Variants in SMARCA4 observed in about 807,000 individuals in gnomAD.
SMARCA4 encodes SWI/SNF related BAF chromatin remodeling complex subunit ATPase 4, also known as SWI/SNF-related matrix-associated actin-dependent regulator of chromatin subfamily A member 4.
SMARCA4 carries 31 observed loss-of-function variants against 193.9 expected under a neutral mutation model. That is an observed-to-expected ratio of 0.16 (90% CI 0.12 to 0.22). SMARCA4 has a LOEUF of 0.22. Among genes scored for constraint, SMARCA4 ranks in the 10% least tolerant of loss-of-function variants. SMARCA4 has a pLI of 1.00. For missense variants in SMARCA4, 1,148 were observed against 2,296.0 expected (o/e 0.50, Z 10.22); for synonymous variants, 942 against 933.1 (o/e 1.01, Z -0.17).
In SMARCA4 at chr19:10,984,307, A is replaced by G. The variant is rs1388258138; in HGVS notation, c.156A>G (p.Ala52=). 6.2e-7 allele frequency: 1 copy of G among 1,607,188 alleles called. No homozygotes were observed. Among genetic ancestry groups the G allele is most frequent in the Non-Finnish European group, 8.5e-7 (1 of 1,177,262 alleles). Residue 52 remains alanine (A), a synonymous_variant, in exon 2 of 35, where the codon GCA becomes GCG. Coordinates refer to ENST00000344626, the MANE Select transcript of SMARCA4 (RefSeq NM_003072.5). This position sits in a 1 kb window ranked among gnomAD's most constrained non-coding sequence, Gnocchi z 4.3. ...MMGPSPGPPS[A]GHPIPTQGPG... ...GGCCCAGCCCAGGGCCGCCCTCAGC[A>G]GGACACCCCATCCCCACCCAGGGGC... is the stretch of plus-strand genomic sequence containing the variant.
chr19:11,055,808 G>T (rs1262581960), intron 30 of SMARCA4, among the ~76,000 whole-genome samples: 2 of 152,064 alleles, frequency 1.3e-5, no homozygotes, highest in African/African-American at 2.4e-5. Context: ...TGTCCAGGCT[G>T]GTCTCAAACT....
chr19:10,966,791 G>GGC (rs1239251049), intron 1 of SMARCA4, among the ~76,000 whole-genome samples: 1 of 152,116 alleles, frequency 6.6e-6, no homozygotes, highest in East Asian at 1.9e-4. Flanking sequence ...GTGAGACTGA[G>GGC]GCAGGAGAAT....
rs1011682137 is a variant in SMARCA4 at position 11,041,224 on chromosome 19, G to GC, written c.4171-80dup. 1.3e-6 allele frequency: 2 copies of GC among 1,481,642 alleles called. No homozygotes were observed. The highest frequency in any genetic ancestry group is 1.8e-6 in the Non-Finnish European group (2 of 1,097,786). 91.8% of individuals were successfully genotyped at this position (1,481,642 alleles called of 1,614,324 possible). A position where few individuals can be genotyped will look rare whatever the true frequency, so the allele number is the denominator to read the frequency against. ...TGCGGGGGCCCTCCTCCGTGTCCCA[G>GC]CCCGGCCCCTGGGATTGCGTCGCGG... is the stretch of plus-strand genomic sequence containing the variant. On this transcript the variant is annotated intron_variant, in intron 29 of 34. Coordinates refer to ENST00000344626, the MANE Select transcript of SMARCA4 (RefSeq NM_003072.5). The surrounding 1 kb of genome is among the most constrained non-coding windows in gnomAD (Gnocchi z 5.6).
At chr19:10,976,007 G>A (rs1284023798) in intron 1 of SMARCA4, among the ~76,000 whole-genome samples, 1 of 152,138 alleles carries the variant, frequency 6.6e-6, no homozygotes, top group Non-Finnish European at 1.5e-5. Context: ...CTGAGTAGGT[G>A]TGGCCTCCTG....
intron 30 of SMARCA4, among the ~76,000 whole-genome samples, chr19:11,046,810 GC>G (rs1412975963): frequency 6.6e-6 from 1 of 152,042 alleles, no homozygotes; most frequent in Non-Finnish European, 1.5e-5. Context: ...ACAAAAATTA[GC>G]CAGGCGTGGT....
chr19:11,011,429 C>T (rs560070158), intron 15 of SMARCA4, among the ~76,000 whole-genome samples: 1 of 152,026 alleles, frequency 6.6e-6, no homozygotes, highest in Non-Finnish European at 1.5e-5. Context: ...TTCACCATGT[C>T]GGCCAAGCTG....
At chr19:10,983,072 T>A (rs1179325810) in intron 1 of SMARCA4, among the ~76,000 whole-genome samples, 1 of 152,232 alleles carries the variant, frequency 6.6e-6, no homozygotes, top group Non-Finnish European at 1.5e-5. Flanking sequence ...GGTAAGATTA[T>A]ATGAAAGCCT....
At chr19:11,022,368 TC>T (rs1336846215) in intron 19 of SMARCA4, among the ~76,000 whole-genome samples, 1 of 152,164 alleles carries the variant, frequency 6.6e-6, no homozygotes, top group Non-Finnish European at 1.5e-5. Flanking sequence ...CTTGGAAGAT[TC>T]CAGTTAGCGG....
chr19:11,036,144 A>T (rs1600416333), intron 29 of SMARCA4, among the ~76,000 whole-genome samples: 1 of 152,222 alleles, frequency 6.6e-6, no homozygotes, highest in East Asian at 1.9e-4. Flanking sequence ...GGTGACAGAC[A>T]GGCCATCCTG....
At chr19:11,042,423 G>A (rs545478681) in intron 30 of SMARCA4, among the ~76,000 whole-genome samples, 1 of 152,360 alleles carries the variant, frequency 6.6e-6, no homozygotes, top group South Asian at 2.1e-4. Flanking sequence ...GCCCATGCCT[G>A]GCCCAGGACT....
intron 8 of SMARCA4, among the ~76,000 whole-genome samples, chr19:10,993,925 A>C (rs1239056344): frequency 2.0e-5 from 3 of 151,968 alleles, no homozygotes; most frequent in African/African-American, 7.3e-5. Flanking sequence ...TACAGGCGTG[A>C]GCCACCGCGC....
At chr19:11,007,869 G>A (rs2146188222) in intron 13 of SMARCA4, 33 bp from the exon 14 acceptor site, 3 of 1,612,322 alleles carry the variant, frequency 1.9e-6, no homozygotes, top group Non-Finnish European at 2.5e-6. Flanking sequence ...TCTGGGGGAT[G>A]AACTGAGGTG....
intron 1 of SMARCA4, among the ~76,000 whole-genome samples, chr19:10,963,387 A>AG (rs1056128929): frequency 6.6e-6 from 1 of 150,798 alleles, no homozygotes; most frequent in Non-Finnish European, 1.5e-5. Context: ...AAAAAAAAAA[A>AG]AAAAGAAAAA....
intron 8 of SMARCA4, among the ~76,000 whole-genome samples, chr19:10,992,491 C>T: frequency 6.9e-6 from 1 of 145,978 alleles, no homozygotes; most frequent in East Asian, 2.0e-4. Flanking sequence ...ATGGCACGAT[C>T]TTGGCTCACT....
At position 10,986,668 on chromosome 19, in the gene SMARCA4, G is replaced by A. The variant is rs527648745; in HGVS notation, c.760+75G>A. 3.2e-5 allele frequency: 49 copies of A among 1,530,138 alleles called. No individual in the cohort carries two copies. In the Middle Eastern group the frequency reaches 8.3e-4, roughly 26 times the overall value. The allele number at this position is 1,530,138 out of a possible 1,614,324, so 94.8% of individuals were successfully genotyped here. On this transcript the variant is annotated intron_variant, in intron 4 of 34. Coordinates refer to ENST00000344626, the MANE Select transcript of SMARCA4 (RefSeq NM_003072.5). This position sits in a 1 kb window ranked among gnomAD's most constrained non-coding sequence, Gnocchi z 6.7. The stretch of plus-strand genomic sequence containing the variant: ...GCGTGGGTGGCGGGGTGGACAGACC[G>A]TGCTCTGTTGCCGACTGGGTTCCCC...
At chr19:10,974,454 C>CT (rs200604261) in intron 1 of SMARCA4, among the ~76,000 whole-genome samples, 4,461 of 136,426 alleles carry the variant, frequency 0.033, 91 homozygotes, top group Non-Finnish European at 0.047. Context: ...CTGATTTAGG[C>CT]TTTTTTTTTT....
At position 10,986,850 on chromosome 19, in the gene SMARCA4, C is replaced by T. The variant is rs931195669; in HGVS notation, c.761-55C>T. On this transcript the variant is annotated intron_variant, in intron 4 of 34. Coordinates refer to ENST00000344626, the MANE Select transcript of SMARCA4 (RefSeq NM_003072.5). This position sits in a 1 kb window ranked among gnomAD's most constrained non-coding sequence, Gnocchi z 6.7. ...AGCCAGGGCTGCCCACGGGGCTGGG[C>T]GCAGGCATAAACCTGGGACGCACTG... 6.8e-6 allele frequency: 10 copies of T among 1,469,846 alleles called. No homozygotes were observed. The highest frequency in any genetic ancestry group is 4.5e-5 in the East Asian group (2 of 44,204). 91.1% of individuals were successfully genotyped at this position (1,469,846 alleles called of 1,614,324 possible).
Position 11,058,037 on chromosome 19 carries a change from T to C in SMARCA4, c.4425-218T>C, listed in dbSNP as rs539969891. 6.2e-5 allele frequency among the ~76,000 whole-genome samples: 9 copies of C among 144,968 alleles called. No homozygotes were observed. Among genetic ancestry groups the C allele is most frequent in the African/African-American group, 2.3e-4 (9 of 39,162 alleles). On this transcript the variant is annotated intron_variant, in intron 30 of 34. Transcript: ENST00000344626. This position sits in a 1 kb window ranked among gnomAD's most constrained non-coding sequence, Gnocchi z 5.8. ...AGGAGAATCTCCTGAACCTGGGAGGTGGAGGTTGCAGTGAGCCGAGATCGC... is the reference window on the plus strand; with the variant it reads ...AGGAGAATCTCCTGAACCTGGGAGGCGGAGGTTGCAGTGAGCCGAGATCGC...
Position 11,003,058 on chromosome 19 carries a change from C to T in SMARCA4, c.1842C>T (p.Asp614=), listed in dbSNP as rs959082926. The part of the protein sequence containing the change: ...EPLDETSQMS[D]LPVKVIHVES... ...TGGACGAGACCAGCCAGATGAGCGA[C>T]CTCCCGGTGAAGGTGATCCACGTGG... Residue 614 remains aspartate (D), a synonymous_variant, in exon 12 of 35, where the codon GAC becomes GAT. Coordinates refer to ENST00000344626, the MANE Select transcript of SMARCA4 (RefSeq NM_003072.5). 1 of 1,614,104 alleles carries T rather than the reference C, an allele frequency of 6.2e-7. No individual in the cohort carries two copies. The highest frequency in any genetic ancestry group is 8.5e-7 in the Non-Finnish European group (1 of 1,179,994).
Sources: gnomAD v4.1 joint callset for allele counts (sites outside exome capture counted in the v4.1 genomes callset) on GRCh38, gnomAD v4.1.1 for gene constraint, Gnocchi (gnomAD v3.1) non-coding constraint, MANE v1.5 for transcripts, NCBI Gene and HGNC (gene_info 2026-07-23, HGNC 2026-07-21) for gene names.